CCSER1: variants seen among roughly 807,000 people sequenced by gnomAD.
CCSER1 encodes the protein serine-rich coiled-coil domain-containing protein 1.
Under a neutral mutation model 82.0 loss-of-function variants are expected in CCSER1, and 41 were observed. That is an observed-to-expected ratio of 0.50 (90% confidence interval 0.39 to 0.65). The LOEUF is 0.65. Among genes scored for constraint, CCSER1 ranks in the 30% least tolerant of loss-of-function variants. The pLI is 0.00. For synonymous variants in CCSER1, 414 were observed against 383.9 expected (o/e 1.08, Z -0.92); for missense variants, 1,119 against 1,064.2 (o/e 1.05, Z -0.72).
chr4:90,152,982 C>T (rs917633656), intron 1 of CCSER1, among the ~76,000 whole-genome samples: 17 of 149,986 alleles, frequency 1.1e-4, no homozygotes, highest in Admixed American at 6.0e-4. Flanking sequence ...TGTGCTGCAC[C>T]CATTAACTCG....
At chr4:90,479,645 C>A (rs368852598) in intron 5 of CCSER1, among the ~76,000 whole-genome samples, 2 of 151,856 alleles carry the variant, frequency 1.3e-5, no homozygotes, top group East Asian at 3.9e-4. Context: ...TTTGTCCTTG[C>A]GATAGTTTGC....
intron 3 of CCSER1, among the ~76,000 whole-genome samples, chr4:90,360,805 C>T (rs897827194): frequency 6.6e-6 from 1 of 152,038 alleles, no homozygotes; most frequent in South Asian, 2.1e-4. Context: ...AATTACCATA[C>T]GGTTAAAGAT....
chr4:90,832,426 G>T (rs886722532), intron 8 of CCSER1, among the ~76,000 whole-genome samples: 25 of 152,050 alleles, frequency 1.6e-4, no homozygotes, highest in African/African-American at 6.0e-4. Flanking sequence ...GTGTGAAAAA[G>T]TGTCTACTTC....
intron 10 of CCSER1, among the ~76,000 whole-genome samples, chr4:91,204,586 G>C (rs904422829): frequency 6.6e-6 from 1 of 151,566 alleles, no homozygotes; most frequent in South Asian, 2.1e-4. Flanking sequence ...AAACTATCTT[G>C]CAAGATATAA....
Position 91,275,852 on chromosome 4 carries a change from G to A in CCSER1, c.2217+189858G>A, listed in dbSNP as rs368547417. ...GATTTTTGTAGATGGTGAGAGATAC[G>A]GTTTCAGTTTCATTCTGTTGCATAT... On this transcript the variant is annotated intron_variant, in intron 10 of 10. Coordinates refer to ENST00000509176, the MANE Select transcript of CCSER1 (RefSeq NM_001145065.2). Among the ~76,000 whole-genome samples, 15 of 152,042 alleles carry A rather than the reference G, an allele frequency of 9.9e-5. 1 individual carries two copies. Among genetic ancestry groups the A allele is most frequent in the South Asian group, 8.3e-4 (4 of 4,824 alleles).
At chr4:91,173,007 C>A (rs1244074780) in intron 10 of CCSER1, among the ~76,000 whole-genome samples, 1 of 152,122 alleles carries the variant, frequency 6.6e-6, no homozygotes, top group Non-Finnish European at 1.5e-5. Flanking sequence ...TCTAGTATTA[C>A]ATTTAGACTA....
chr4:90,191,302 G>A (rs770884278), intron 1 of CCSER1, among the ~76,000 whole-genome samples: 2 of 151,780 alleles, frequency 1.3e-5, no homozygotes, highest in African/African-American at 2.4e-5. Context: ...GTATGGGGGC[G>A]GGGGGTATAA....
chr4:90,998,851 C>A (rs1247895364), intron 9 of CCSER1, among the ~76,000 whole-genome samples: 1 of 152,072 alleles, frequency 6.6e-6, no homozygotes, highest in Non-Finnish European at 1.5e-5. Context: ...GAATAGTACC[C>A]AACCGTTAAC....
intron 10 of CCSER1, among the ~76,000 whole-genome samples, chr4:91,335,858 T>G (rs1450641849): frequency 6.6e-6 from 1 of 152,138 alleles, no homozygotes; most frequent in African/African-American, 2.4e-5. Flanking sequence ...TGCTCATCAC[T>G]GTCAGTGTGG....
At chr4:90,654,560 T>C (rs1407713991) in intron 6 of CCSER1, among the ~76,000 whole-genome samples, 1 of 152,128 alleles carries the variant, frequency 6.6e-6, no homozygotes, top group Non-Finnish European at 1.5e-5. Context: ...TACATAGCAT[T>C]GCGATTTTTT....
At chr4:90,426,017 T>C (rs17016992) in intron 4 of CCSER1, among the ~76,000 whole-genome samples, 4,651 of 152,134 alleles carry the variant, frequency 0.031, 216 homozygotes, top group African/African-American at 0.1. Context: ...CGTTTTTCCA[T>C]GAAGGATAAG....
At position 90,743,598 on chromosome 4, in the gene CCSER1, T is replaced by C. The variant is rs916284510; in HGVS notation, c.2010+19607T>C. On this transcript the variant is annotated intron_variant, in intron 7 of 10. Coordinates refer to ENST00000509176, the MANE Select transcript of CCSER1 (RefSeq NM_001145065.2). Reference sequence around the variant, plus strand: ...ATGCTTCTTATTAAGAATAAAGGTTTATTTAGACTAGTTAGGACCTGCTTA... The same window carrying C: ...ATGCTTCTTATTAAGAATAAAGGTTCATTTAGACTAGTTAGGACCTGCTTA... Among the ~76,000 whole-genome samples the C allele has an allele frequency of 2.0e-5, 3 of 152,198 alleles. 1 individual carries two copies. The highest frequency in any genetic ancestry group is 4.1e-4 in the South Asian group (2 of 4,834).
chr4:90,997,494 T>C (rs1201544479), intron 9 of CCSER1, among the ~76,000 whole-genome samples: 1 of 152,150 alleles, frequency 6.6e-6, no homozygotes, highest in Non-Finnish European at 1.5e-5. Flanking sequence ...TAAAGTAACA[T>C]ATTTACAGCT....
At chr4:91,296,637 A>G (rs1249912261) in intron 10 of CCSER1, among the ~76,000 whole-genome samples, 1 of 149,526 alleles carries the variant, frequency 6.7e-6, no homozygotes, top group Non-Finnish European at 1.5e-5. Flanking sequence ...GTGTGTATAT[A>G]TATAAGTATG....
At chr4:90,160,508 G>T (rs1179413449) in intron 1 of CCSER1, among the ~76,000 whole-genome samples, 3 of 152,140 alleles carry the variant, frequency 2.0e-5, no homozygotes, top group African/African-American at 4.8e-5. Flanking sequence ...CAAAGAAGAT[G>T]GCTAAATTCT....
intron 10 of CCSER1, among the ~76,000 whole-genome samples, chr4:91,380,424 G>A (rs1398244175): frequency 6.6e-6 from 1 of 152,026 alleles, no homozygotes; most frequent in African/African-American, 2.4e-5. Flanking sequence ...TATGAATATG[G>A]GTGCTCCTGT....
intron 6 of CCSER1, among the ~76,000 whole-genome samples, chr4:90,657,240 T>G (rs886381676): frequency 6.6e-6 from 1 of 152,126 alleles, no homozygotes; most frequent in Non-Finnish European, 1.5e-5. Context: ...AAAATCTGTT[T>G]GCAGTTATTT....
chr4:90,154,558 G>A (rs1345581329), intron 1 of CCSER1, among the ~76,000 whole-genome samples: 2 of 149,012 alleles, frequency 1.3e-5, no homozygotes, highest in East Asian at 3.9e-4. Flanking sequence ...ATTTCCTTGA[G>A]CAGTGGTTTG....
chr4:91,300,441 G>C (rs925271919), intron 10 of CCSER1, among the ~76,000 whole-genome samples: 5 of 151,674 alleles, frequency 3.3e-5, no homozygotes, highest in African/African-American at 1.2e-4. Context: ...AGTACTGTTA[G>C]GGAAATATAT....
Sources: gnomAD v4.1 joint callset for allele counts (sites outside exome capture counted in the v4.1 genomes callset) on GRCh38, gnomAD v4.1.1 for gene constraint, MANE v1.5 for transcripts, NCBI Gene and HGNC (gene_info 2026-07-23, HGNC 2026-07-21) for gene names.